Variants in ACAN observed in about 807,000 individuals in gnomAD.
ACAN encodes the protein aggrecan.
A neutral mutation model predicts 169.1 loss-of-function variants in ACAN; 47 were observed. That is an observed-to-expected ratio of 0.28 (90% CI 0.22 to 0.35). The LOEUF (loss-of-function observed/expected upper bound fraction) is 0.35. ACAN is among the 10% of genes least tolerant of loss of function. ACAN has a pLI of 1.00. For synonymous variants in ACAN, 1,115 were observed against 1,112.2 expected (o/e 1.00, Z -0.05); for missense variants, 2,716 against 2,759.9 (o/e 0.98, Z 0.36).
Position 88,823,038 on chromosome 15 carries a change from C to T in ACAN, c.-7-13162C>T, listed in dbSNP as rs570128734. ...TGGCAAGCAGGCATTTCCATCAGGA[C>T]CCTCAGCTGCCAGACACATTTACTG... On this transcript the variant is annotated intron_variant, in intron 1 of 18. Coordinates refer to ENST00000560601, the MANE Select transcript of ACAN (RefSeq NM_001369268.1). 6.6e-5 allele frequency among the ~76,000 whole-genome samples: 10 copies of T among 152,336 alleles called. No homozygotes were observed. In the South Asian group the frequency reaches 2.1e-3, roughly 32 times the overall value.
intron 6 of ACAN, among the ~76,000 whole-genome samples, chr15:88,844,847 C>G (rs918119107): frequency 6.6e-6 from 1 of 152,186 alleles, no homozygotes; most frequent in Non-Finnish European, 1.5e-5. Context: ...TGAGGAGTTG[C>G]AAAACTTTTA....
chr15:88,843,478 T>A lies in ACAN; in HGVS notation c.881T>A (p.Met294Lys). 6.2e-7 allele frequency: 1 copy of A among 1,612,084 alleles called. No homozygotes were observed. The highest frequency in any genetic ancestry group is 8.5e-7 in the Non-Finnish European group (1 of 1,179,272). ...CTCTACCTGGCCTGGCAGGCTGGCATGGACATGTGCAGCGCCGGCTGGCTG... is the reference window on the plus strand; with the variant it reads ...CTCTACCTGGCCTGGCAGGCTGGCAAGGACATGTGCAGCGCCGGCTGGCTG... ...GQLYLAWQAG[M>K]DMCSAGWLAD... Residue 294 changes from methionine to lysine, a missense_variant, in exon 6 of 19, where the codon ATG becomes AAG. By Grantham distance (95) the Met-to-Lys change is moderately conservative. This residue lies in a region of ACAN where 1,283 missense variants were observed against 1,281.5 expected (regional missense o/e 1.00). Transcript: ENST00000560601. This position sits in a 1 kb window ranked among gnomAD's most constrained non-coding sequence, Gnocchi z 4.0.
intron 8 of ACAN, 149 bp from the exon 9 acceptor site, chr15:88,847,762 T>C (rs960241815): frequency 2.8e-6 from 3 of 1,067,428 alleles, no homozygotes; most frequent in Admixed American, 3.0e-5. Flanking sequence ...GAGAACTTGC[T>C]GCATAAGGGG....
At position 88,851,816 on chromosome 15, in the gene ACAN, A is replaced by G. The variant is rs1249655660; in HGVS notation, c.2049A>G (p.Pro683=). 3.7e-6 allele frequency: 6 copies of G among 1,603,606 alleles called. No homozygotes were observed. Among genetic ancestry groups the G allele is most frequent in the South Asian group, 2.2e-5 (2 of 88,976 alleles). Residue 683 remains proline, a synonymous_variant, in exon 11 of 19, where the codon CCA becomes CCG. Transcript: ENST00000560601. This position sits in a 1 kb window ranked among gnomAD's most constrained non-coding sequence, Gnocchi z 4.3. ...CFRGISAVPS[P]GEEEGGTPTS... ...TAGGCATTTCAGCGGTTCCTTCTCC[A>G]GGAGAAGAAGAGGGTGGCACACCCA...
chr15:88,849,317 G>A lies in ACAN; in HGVS notation c.1733-121G>A. On this transcript the variant is annotated intron_variant, in intron 9 of 18. Transcript: ENST00000560601. This position sits in a 1 kb window ranked among gnomAD's most constrained non-coding sequence, Gnocchi z 5.1. ...GGGGAGTGGTCAAAAAAGGGGTGAT[G>A]GAGCTGGGCTGGGTCTTAGCCCTGG... is the stretch of plus-strand genomic sequence containing the variant. The A allele has an allele frequency of 1.0e-6, 1 of 994,522 alleles. No individual in the cohort carries two copies. The highest frequency in any genetic ancestry group is 1.4e-6 in the Non-Finnish European group (1 of 703,164). The allele number at this position is 994,522 out of a possible 1,614,324, so 61.6% of individuals were successfully genotyped here. A position where few individuals can be genotyped will look rare whatever the true frequency, so the allele number is the denominator to read the frequency against.
intron 1 of ACAN, among the ~76,000 whole-genome samples, chr15:88,822,831 C>A (rs906982441): frequency 6.6e-6 from 1 of 152,276 alleles, no homozygotes; most frequent in African/African-American, 2.4e-5. Flanking sequence ...TACAGATAAC[C>A]CATCTCCTTT....
At position 88,870,382 on chromosome 15, in the gene ACAN, C is replaced by G. The variant is rs1252281931; in HGVS notation, c.7061-1000C>G. On this transcript the variant is annotated intron_variant, in intron 14 of 18. Transcript: ENST00000560601. The surrounding 1 kb of genome is among the most constrained non-coding windows in gnomAD (Gnocchi z 6.3). ...CCAGGGGAAGAAGGAAGAAGGGGGG[C>G]CTTGGAATTCACTCTGTCCCACACT... Among the ~76,000 whole-genome samples, 1 of 152,214 alleles carries G rather than the reference C, an allele frequency of 6.6e-6. No homozygotes were observed. Among genetic ancestry groups the G allele is most frequent in the Non-Finnish European group, 1.5e-5 (1 of 68,032 alleles).
chr15:88,850,788 G>T (rs890669844), intron 10 of ACAN: 10 of 151,916 alleles, frequency 6.6e-5, no homozygotes, highest in African/African-American at 2.4e-4. Flanking sequence ...AAAAAAAAGT[G>T]CAAAAATTAG....
chr15:88,858,617 C>T lies in ACAN; in HGVS notation c.6032C>T (p.Thr2011Ile), dbSNP rs774757326. ...TATTTTAGTGGGGATTTTGCCAGCA[C>T]CACCAATGTAAGTGGAGAATCCTCT... is the stretch of plus-strand genomic sequence containing the variant. ...TPYFSGDFASTTNVSGESSVA... is the reference protein window; with the variant it reads ...TPYFSGDFASITNVSGESSVA... Residue 2011 changes from threonine to isoleucine, a missense_variant, in exon 12 of 19, where the codon ACC becomes ATC. By Grantham distance (89) the Thr-to-Ile change is moderately conservative. Coordinates refer to ENST00000560601, the MANE Select transcript of ACAN (RefSeq NM_001369268.1). This position sits in a 1 kb window ranked among gnomAD's most constrained non-coding sequence, Gnocchi z 4.0. The T allele has an allele frequency of 2.5e-6, 4 of 1,613,956 alleles. No individual in the cohort carries two copies. The East Asian group carries it at 8.9e-5, about 36-fold the overall frequency.
In ACAN at chr15:88,851,840, C is replaced by A. The variant is rs1180947334; in HGVS notation, c.2073C>A (p.Pro691=). 2 of 1,610,362 alleles carry A rather than the reference C, an allele frequency of 1.2e-6. No homozygotes were observed. Among genetic ancestry groups the A allele is most frequent in the Non-Finnish European group, 1.7e-6 (2 of 1,178,410 alleles). ...PSPGEEEGGT[P]TSPSGVEEWI... ...CAGGAGAAGAAGAGGGTGGCACACCCACATCACCCTCTGGTGTGGAGGAGT... is the reference window on the plus strand; with the variant it reads ...CAGGAGAAGAAGAGGGTGGCACACCAACATCACCCTCTGGTGTGGAGGAGT... The change falls in exon 11 of 19, where the codon CCC becomes CCA. Residue 691 remains proline (P), a synonymous_variant. Transcript: ENST00000560601. The surrounding 1 kb of genome is among the most constrained non-coding windows in gnomAD (Gnocchi z 4.3).
intron 11 of ACAN, among the ~76,000 whole-genome samples, chr15:88,853,911 T>A (rs890119020): frequency 6.6e-5 from 10 of 150,850 alleles, no homozygotes; most frequent in Admixed American, 3.3e-4. Flanking sequence ...AAGATTCTCC[T>A]CTCAGCAAGA....
Position 88,871,753 on chromosome 15 carries a change from C to T in ACAN, c.7219+213C>T, listed in dbSNP as rs926262750. Among the ~76,000 whole-genome samples, 2 of 152,204 alleles carry T rather than the reference C, an allele frequency of 1.3e-5. No homozygotes were observed. The highest frequency in any genetic ancestry group is 6.5e-5 in the Admixed American group (1 of 15,288). On this transcript the variant is annotated intron_variant, in intron 15 of 18. Transcript: ENST00000560601. The surrounding 1 kb of genome is among the most constrained non-coding windows in gnomAD (Gnocchi z 7.8). ...GGCTGCAGCCAGGGCAGACCCATTG[C>T]CAGCCAGAGTCAGCCCAAGACTAAG... is the stretch of plus-strand genomic sequence containing the variant.
intron 1 of ACAN, among the ~76,000 whole-genome samples, chr15:88,815,307 C>G (rs533003749): frequency 6.6e-6 from 1 of 152,084 alleles, no homozygotes; most frequent in East Asian, 1.9e-4. Context: ...GCCTGTAATC[C>G]CAGCACTTTG....
intron 1 of ACAN, among the ~76,000 whole-genome samples, chr15:88,810,268 G>T (rs1202756034): frequency 6.7e-6 from 1 of 149,728 alleles, no homozygotes; most frequent in African/African-American, 2.4e-5. Context: ...AAACAGATTT[G>T]GTCCTTGGGT....
chr15:88,848,505 T>C (rs541493023), intron 9 of ACAN, among the ~76,000 whole-genome samples: 8 of 152,196 alleles, frequency 5.3e-5, no homozygotes, highest in Non-Finnish European at 1.0e-4. Flanking sequence ...TGTGAGTTGA[T>C]TGCTCTAGCC....
chr15:88,866,417 G>A lies in ACAN; in HGVS notation c.6947-1799G>A, dbSNP rs1897281511. Among the ~76,000 whole-genome samples the A allele has an allele frequency of 6.6e-6, 1 of 152,158 alleles. No homozygotes were observed. Among genetic ancestry groups the A allele is most frequent in the Admixed American group, 6.5e-5 (1 of 15,276 alleles). On this transcript the variant is annotated intron_variant, in intron 13 of 18. Coordinates refer to ENST00000560601, the MANE Select transcript of ACAN (RefSeq NM_001369268.1). This position sits in a 1 kb window ranked among gnomAD's most constrained non-coding sequence, Gnocchi z 5.6. ...AGCCGCCCCCAGCTTCCGCCCTGCC[G>A]ACTGGCCTGACCTATTGCTGCTACT...
At position 88,873,902 on chromosome 15, in the gene ACAN, G is replaced by T. The variant is rs529444135; in HGVS notation, c.7508G>T (p.Arg2503Leu). 1 of 1,613,842 alleles carries T rather than the reference G, an allele frequency of 6.2e-7. No homozygotes were observed. The highest frequency in any genetic ancestry group is 8.5e-7 in the Non-Finnish European group (1 of 1,179,906). ...HARTFGQKKD[R>L]YEINSLVRYQ... Reference sequence around the variant, plus strand: ...AGGACCTTCGGGCAGAAGAAGGACCGGTATGAGATCAATTCCCTGGTGCGG... The same window carrying T: ...AGGACCTTCGGGCAGAAGAAGGACCTGTATGAGATCAATTCCCTGGTGCGG... The change falls in exon 18 of 19, where the codon CGG becomes CTG. Residue 2503 changes from arginine to leucine, a missense_variant. Transcript: ENST00000560601. The surrounding 1 kb of genome is among the most constrained non-coding windows in gnomAD (Gnocchi z 7.5).
intron 13 of ACAN, among the ~76,000 whole-genome samples, chr15:88,864,424 C>A (rs8038517): frequency 0.11 from 15,967 of 152,004 alleles, 1,477 homozygotes; most frequent in African/African-American, 0.24. Context: ...CACATCACCA[C>A]GCCTGCCTAA....
chr15:88,833,735 T>A (rs1419992040), intron 1 of ACAN, among the ~76,000 whole-genome samples: 4 of 139,672 alleles, frequency 2.9e-5, no homozygotes, highest in East Asian at 4.6e-4. Context: ...CTACCCCCAC[T>A]CTCCTCCCCA....
Sources: allele counts gnomAD v4.1 joint callset (sites outside exome capture counted in the v4.1 genomes callset), GRCh38; gene constraint gnomAD v4.1.1; regional missense constraint gnomAD v4.1.1; non-coding constraint Gnocchi (gnomAD v3.1); transcripts MANE v1.5; gene names NCBI Gene and HGNC (gene_info 2026-07-23, HGNC 2026-07-21).